GABRB3: variants seen among roughly 807,000 people sequenced by gnomAD.
The protein encoded by GABRB3 is gamma-aminobutyric acid receptor subunit beta-3.
GABRB3 carries 14 observed loss-of-function variants against 52.1 expected under a neutral mutation model. The observed-to-expected ratio is 0.27, with a 90% confidence interval of 0.18 to 0.42. GABRB3 has a LOEUF of 0.42. Among genes scored for constraint, GABRB3 ranks in the 10% least tolerant of loss-of-function variants. The pLI, the probability that GABRB3 is intolerant of heterozygous loss-of-function variation, is 1.00. For missense variants in GABRB3, 307 were observed against 609.1 expected (o/e 0.50, Z 5.22); for synonymous variants, 260 against 232.3 (o/e 1.12, Z -1.08).
chr15:26,661,951 C>A (rs1172252129), intron 3 of GABRB3, among the ~76,000 whole-genome samples: 1 of 152,070 alleles, frequency 6.6e-6, no homozygotes, highest in African/African-American at 2.4e-5. Context: ...AAAAATGTTG[C>A]ATTATATAAC....
chr15:26,702,489 T>C (rs894352837), intron 3 of GABRB3, among the ~76,000 whole-genome samples: 4 of 152,212 alleles, frequency 2.6e-5, no homozygotes, highest in Non-Finnish European at 4.4e-5. Context: ...CACTTGTCCT[T>C]AGGGACATAC....
chr15:26,659,973 C>T (rs577532775), intron 3 of GABRB3, among the ~76,000 whole-genome samples: 89 of 152,108 alleles, frequency 5.9e-4, no homozygotes, highest in Middle Eastern at 3.4e-3. Context: ...GGTTCACACC[C>T]GCAATCCCAG....
intron 6 of GABRB3, among the ~76,000 whole-genome samples, chr15:26,577,407 G>C (rs902676894): frequency 2.0e-5 from 3 of 152,132 alleles, no homozygotes; most frequent in Admixed American, 2.0e-4. Context: ...CAGCTACTAG[G>C]GAGGCTGAGG....
At chr15:26,560,901 C>G in intron 8 of GABRB3, 31 bp downstream of exon 8, 1 of 1,612,846 alleles carries the variant, frequency 6.2e-7, no homozygotes, top group Non-Finnish European at 8.5e-7. Context: ...GCTGCAGGGA[C>G]CAGGTGGGGT....
chr15:26,674,400 C>CAA lies in GABRB3; in HGVS notation c.241-52868_241-52867dup, dbSNP rs55723767. ...TGGGTGACAGAGCGAGACTCAGTTTCAAAAAAAAAAAAAAAAAAAAAGAAA... is the reference window on the plus strand; with the variant it reads ...TGGGTGACAGAGCGAGACTCAGTTTCAAAAAAAAAAAAAAAAAAAAAAAGAAA... On this transcript the variant is annotated intron_variant, in intron 3 of 8. Coordinates refer to ENST00000311550, the MANE Select transcript of GABRB3 (RefSeq NM_000814.6). 3.5e-3 allele frequency among the ~76,000 whole-genome samples: 301 copies of CAA among 86,746 alleles called. 3 individuals are homozygous for CAA. The highest frequency in any genetic ancestry group is 0.013 in the African/African-American group (276 of 20,986). 56.9% of individuals were successfully genotyped at this position (86,746 alleles called of 152,430 possible). A position where few individuals can be genotyped will look rare whatever the true frequency, so the allele number is the denominator to read the frequency against.
At chr15:26,656,141 C>T (rs1032240353) in intron 3 of GABRB3, among the ~76,000 whole-genome samples, 2 of 152,132 alleles carry the variant, frequency 1.3e-5, no homozygotes, top group Admixed American at 6.6e-5. Context: ...TGTCAGGCCG[C>T]GTGGTACAGG....
At chr15:26,767,683 A>G (rs1170700795) in intron 3 of GABRB3, among the ~76,000 whole-genome samples, 1 of 152,122 alleles carries the variant, frequency 6.6e-6, no homozygotes, top group Non-Finnish European at 1.5e-5. Flanking sequence ...CAGGGACTAG[A>G]TGCACTGTGT....
chr15:26,593,981 A>AAAAT (rs371884854), intron 4 of GABRB3, among the ~76,000 whole-genome samples: 4 of 133,978 alleles, frequency 3.0e-5, no homozygotes, highest in South Asian at 5.6e-4. Flanking sequence ...CTCATTTTAA[A>AAAAT]ATATATATAT....
chr15:26,652,076 C>T (rs1333644534), intron 3 of GABRB3, among the ~76,000 whole-genome samples: 2 of 152,190 alleles, frequency 1.3e-5, no homozygotes, highest in Non-Finnish European at 1.5e-5. Context: ...GAGCCTTCCT[C>T]TACATAACAA....
At chr15:26,669,490 A>G (rs1887820977) in intron 3 of GABRB3, among the ~76,000 whole-genome samples, 1 of 151,946 alleles carries the variant, frequency 6.6e-6, no homozygotes, top group Non-Finnish European at 1.5e-5. Context: ...TTATCATTTC[A>G]CTTCCTTAAT....
At chr15:26,712,414 A>T (rs374078841) in intron 3 of GABRB3, among the ~76,000 whole-genome samples, 1 of 151,988 alleles carries the variant, frequency 6.6e-6, no homozygotes, top group Admixed American at 6.6e-5. Context: ...GGAGGCTGGG[A>T]GAAGTGTCCA....
chr15:26,761,512 AAAT>A (rs1462745060), intron 3 of GABRB3, among the ~76,000 whole-genome samples: 1 of 152,066 alleles, frequency 6.6e-6, no homozygotes, highest in Non-Finnish European at 1.5e-5. Flanking sequence ...TTTTATATGT[AAAT>A]ATATCTGATA....
intron 3 of GABRB3, among the ~76,000 whole-genome samples, chr15:26,634,713 A>G (rs1892999019): frequency 1.3e-5 from 2 of 151,868 alleles, no homozygotes; most frequent in Admixed American, 6.6e-5. Flanking sequence ...ACTCAACACA[A>G]TATAATATGA....
intron 4 of GABRB3, chr15:26,615,517 T>C: frequency 1.2e-6 from 1 of 861,606 alleles, no homozygotes; most frequent in Non-Finnish European, 1.4e-6. Context: ...AACAACCTTT[T>C]ATCACTACAA....
chr15:26,648,928 T>C (rs1887103334), intron 3 of GABRB3, among the ~76,000 whole-genome samples: 2 of 152,022 alleles, frequency 1.3e-5, no homozygotes, highest in Admixed American at 1.3e-4. Context: ...GTGGGGTGCC[T>C]GCAGAGTGGG....
intron 3 of GABRB3, among the ~76,000 whole-genome samples, chr15:26,624,011 C>T (rs529195721): frequency 6.6e-6 from 1 of 152,248 alleles, no homozygotes; most frequent in East Asian, 1.9e-4. Flanking sequence ...CACAAAGCCG[C>T]CTGTGAGGAA....
intron 4 of GABRB3, among the ~76,000 whole-genome samples, chr15:26,597,588 G>C (rs1429199218): frequency 2.6e-5 from 4 of 152,150 alleles, no homozygotes; most frequent in Non-Finnish European, 4.4e-5. Flanking sequence ...CTACAATAGA[G>C]CTGCCTAGAT....
At chr15:26,766,636 A>T (rs1891004541) in intron 3 of GABRB3, among the ~76,000 whole-genome samples, 1 of 151,630 alleles carries the variant, frequency 6.6e-6, no homozygotes, top group Non-Finnish European at 1.5e-5. Flanking sequence ...ATATAAACAG[A>T]ATATTTTATC....
chr15:26,768,340 CT>C (rs1192712386), intron 3 of GABRB3, among the ~76,000 whole-genome samples: 1 of 152,064 alleles, frequency 6.6e-6, no homozygotes, highest in East Asian at 1.9e-4. Flanking sequence ...TTTTATGTCC[CT>C]AATACCAGAT....
Sources: gnomAD v4.1 joint callset for allele counts (sites outside exome capture counted in the v4.1 genomes callset) on GRCh38, gnomAD v4.1.1 for gene constraint, MANE v1.5 for transcripts, NCBI Gene and HGNC (gene_info 2026-07-23, HGNC 2026-07-21) for gene names.